Variants in PDXP observed in about 807,000 individuals in gnomAD.
The protein encoded by PDXP is chronophin.
Under a neutral mutation model 14.4 loss-of-function variants are expected in PDXP, and 15 were observed. The observed-to-expected ratio is 1.04, with a 90% CI of 0.70 to 1.60. The LOEUF is 1.60. Ranked by LOEUF, PDXP falls within the 40% of genes most tolerant of loss-of-function variation. PDXP has a pLI of 0.00. For missense variants in PDXP, 413 were observed against 427.6 expected (o/e 0.97, Z 0.30); for synonymous variants, 233 against 205.6 (o/e 1.13, Z -1.14).
rs1933149389 is a variant in PDXP, at chr22:37,659,220, G to T, written c.438G>T (p.Val146=). 1.5e-6 allele frequency: 2 copies of T among 1,300,458 alleles called. No homozygotes were observed. Among genetic ancestry groups the T allele is most frequent in the Non-Finnish European group, 2.0e-6 (2 of 1,021,284 alleles). 80.6% of individuals were successfully genotyped at this position (1,300,458 alleles called of 1,614,324 possible). A position where few individuals can be genotyped will look rare whatever the true frequency, so the allele number is the denominator to read the frequency against. The part of the protein sequence containing the change: ...GDGAAPRVRA[V]LVGYDEHFSF... ...GCGCGGCCCCGCGCGTGCGCGCCGT[G>T]CTTGTGGGCTACGACGAGCACTTCT... is the stretch of plus-strand genomic sequence containing the variant. Residue 146 remains valine, a synonymous_variant, in exon 1 of 2, where the codon GTG becomes GTT. Transcript: ENST00000215904.
intron 1 of PDXP, among the ~76,000 whole-genome samples, chr22:37,661,552 C>T (rs1207350634): frequency 1.3e-5 from 2 of 152,250 alleles, no homozygotes; most frequent in Non-Finnish European, 1.5e-5. Flanking sequence ...ACGTCATCAG[C>T]ATAACATGCA....
At position 37,666,023 on chromosome 22, in the gene PDXP, C is replaced by T. The variant is rs1921070638; in HGVS notation, c.*152C>T. 1.4e-6 allele frequency: 1 copy of T among 729,094 alleles called. No homozygotes were observed. The highest frequency in any genetic ancestry group is 2.3e-6 in the Non-Finnish European group (1 of 439,000). 45.2% of individuals were successfully genotyped at this position (729,094 alleles called of 1,614,324 possible). A position where few individuals can be genotyped will look rare whatever the true frequency, so the allele number is the denominator to read the frequency against. On this transcript the variant is annotated 3_prime_UTR_variant, in exon 2 of 2. Transcript: ENST00000215904. ...TGGGACCCGGGGAAGGTTTGAGGGC[C>T]CTTGCAACCCCCTCCCAGCAGTGGC...
At chr22:37,661,932 T>A (rs1312517541) in intron 1 of PDXP, among the ~76,000 whole-genome samples, 1 of 22,862 alleles carries the variant, frequency 4.4e-5, no homozygotes, top group African/African-American at 1.3e-4. Flanking sequence ...TTTTTTTTTT[T>A]TTTTTTTTTT....
Position 37,659,052 on chromosome 22 carries a change from G to C in PDXP, c.270G>C (p.Leu90=). 1 of 1,134,100 alleles carries C rather than the reference G, an allele frequency of 8.8e-7. No individual in the cohort carries two copies. The highest frequency in any genetic ancestry group is 4.2e-5 in the South Asian group (1 of 23,922). 70.3% of individuals were successfully genotyped at this position (1,134,100 alleles called of 1,614,324 possible). A position where few individuals can be genotyped will look rare whatever the true frequency, so the allele number is the denominator to read the frequency against. The change falls in exon 1 of 2, where the codon CTG becomes CTC. Residue 90 remains leucine (L), a synonymous_variant. Coordinates refer to ENST00000215904, the MANE Select transcript of PDXP (RefSeq NM_020315.5). The part of the protein sequence containing the change: ...LRAEQLFSSA[L]CAARLLRQRL... ...CCGAGCAGCTCTTCAGCTCCGCGCT[G>C]TGCGCCGCGCGCCTGCTGCGCCAGC...
chr22:37,666,201 T>C lies in PDXP; in HGVS notation c.*330T>C, dbSNP rs1921078418. The C allele has an allele frequency of 2.5e-6, 1 of 392,420 alleles. No homozygotes were observed. The highest frequency in any genetic ancestry group is 5.4e-5 in the East Asian group (1 of 18,544). The allele number at this position is 392,420 out of a possible 1,614,324, so 24.3% of individuals were successfully genotyped here. On this transcript the variant is annotated 3_prime_UTR_variant, in exon 2 of 2. Coordinates refer to ENST00000215904, the MANE Select transcript of PDXP (RefSeq NM_020315.5). Reference sequence around the variant, plus strand: ...ATTCCCTCTATCCCTGAGTACTTAGTCTTCTCCCCCTTCCCTGGGGCTTCT... The same window carrying C: ...ATTCCCTCTATCCCTGAGTACTTAGCCTTCTCCCCCTTCCCTGGGGCTTCT...
intron 1 of PDXP, among the ~76,000 whole-genome samples, chr22:37,661,888 G>T (rs948176773): frequency 2.7e-5 from 4 of 146,966 alleles, no homozygotes; most frequent in Non-Finnish European, 6.0e-5. Context: ...AACGGAGCAC[G>T]TGGCTTTTAT....
chr22:37,660,127 C>T (rs1307360514), intron 1 of PDXP, among the ~76,000 whole-genome samples: 2 of 152,098 alleles, frequency 1.3e-5, no homozygotes, highest in African/African-American at 4.8e-5. Context: ...AAGGCTGTAG[C>T]GTGCTATCAT....
At chr22:37,660,063 AG>A (rs1368955270) in intron 1 of PDXP, among the ~76,000 whole-genome samples, 2 of 152,232 alleles carry the variant, frequency 1.3e-5, no homozygotes, top group Non-Finnish European at 2.9e-5. Context: ...AACAGCCTGT[AG>A]TCCCAGCTAC....
intron 1 of PDXP, among the ~76,000 whole-genome samples, chr22:37,659,956 T>G (rs1933169408): frequency 6.6e-6 from 1 of 152,130 alleles, no homozygotes. Flanking sequence ...TGAAACAGCT[T>G]TGTGTGTGTT....
In PDXP at chr22:37,665,899, A is replaced by AC; in HGVS notation, c.*32dup. On this transcript the variant is annotated 3_prime_UTR_variant, in exon 2 of 2. Coordinates refer to ENST00000215904, the MANE Select transcript of PDXP (RefSeq NM_020315.5). ...CCACTGCACCTGCAGCCACAGGCCC[A>AC]CCCCTCCCCACTCCCTGATCCCGTA... 2 of 1,587,398 alleles carry AC rather than the reference A, an allele frequency of 1.3e-6. No homozygotes were observed. The highest frequency in any genetic ancestry group is 1.7e-6 in the Non-Finnish European group (2 of 1,160,884).
chr22:37,659,071 C>T lies in PDXP; in HGVS notation c.289C>T (p.Arg97Cys), dbSNP rs1430799111. The T allele has an allele frequency of 1.8e-6, 2 of 1,107,812 alleles. No individual in the cohort carries two copies. Among genetic ancestry groups the T allele is most frequent in the African/African-American group, 1.7e-5 (1 of 59,668 alleles). The allele number at this position is 1,107,812 out of a possible 1,614,324, so 68.6% of individuals were successfully genotyped here. A position where few individuals can be genotyped will look rare whatever the true frequency, so the allele number is the denominator to read the frequency against. Residue 97 changes from arginine to cysteine, a missense_variant, in exon 1 of 2, where the codon CGC becomes TGC. Arg to Cys is a radical substitution (Grantham distance 180). Transcript: ENST00000215904. ...CGCGCTGTGCGCCGCGCGCCTGCTG[C>T]GCCAGCGCCTGCCCGGGCCTCCGGA... ...SSALCAARLL[R>C]QRLPGPPDAP...
chr22:37,659,187 G>T lies in PDXP; in HGVS notation c.405G>T (p.Ala135=). 1 of 1,208,408 alleles carries T rather than the reference G, an allele frequency of 8.3e-7. No homozygotes were observed. Among genetic ancestry groups the T allele is most frequent in the South Asian group, 4.0e-5 (1 of 25,180 alleles). The allele number at this position is 1,208,408 out of a possible 1,614,324, so 74.9% of individuals were successfully genotyped here. Residue 135 remains alanine, a synonymous_variant, in exon 1 of 2, where the codon GCG becomes GCT. Coordinates refer to ENST00000215904, the MANE Select transcript of PDXP (RefSeq NM_020315.5). ...AGLRLAGDPS[A]GDGAAPRVRA... is the part of the protein sequence containing the mutation. ...TGCGCCTGGCCGGGGACCCGAGCGC[G>T]GGGGACGGCGCGGCCCCGCGCGTGC... is the stretch of plus-strand genomic sequence containing the variant.
At position 37,666,100 on chromosome 22, in the gene PDXP, C is replaced by T; in HGVS notation, c.*229C>T. 1 of 597,832 alleles carries T rather than the reference C, an allele frequency of 1.7e-6. No homozygotes were observed. Among genetic ancestry groups the T allele is most frequent in the Non-Finnish European group, 3.0e-6 (1 of 328,824 alleles). The allele number at this position is 597,832 out of a possible 1,614,324, so 37.0% of individuals were successfully genotyped here. ...TGGTCCCCTATGGATTCATCTTGGC[C>T]TGACCCAGCCAGGTGGCCTTATTTC... is the stretch of plus-strand genomic sequence containing the variant. On this transcript the variant is annotated 3_prime_UTR_variant, in exon 2 of 2. Transcript: ENST00000215904.
At position 37,658,758 on chromosome 22, in the gene PDXP, G is replaced by A. The variant is rs1380233420; in HGVS notation, c.-25G>A. 5 of 1,152,452 alleles carry A rather than the reference G, an allele frequency of 4.3e-6. No homozygotes were observed. The highest frequency in any genetic ancestry group is 3.3e-5 in the African/African-American group (2 of 61,360). 71.4% of individuals were successfully genotyped at this position (1,152,452 alleles called of 1,614,324 possible). A position where few individuals can be genotyped will look rare whatever the true frequency, so the allele number is the denominator to read the frequency against. ...CGTGCCCGCGGAGAGAGCGCGGCGCGGGAGGCCGGCGGCCGGCCGGCTGCA... is the reference window on the plus strand; with the variant it reads ...CGTGCCCGCGGAGAGAGCGCGGCGCAGGAGGCCGGCGGCCGGCCGGCTGCA... On this transcript the variant is annotated 5_prime_UTR_variant, in exon 1 of 2. Coordinates refer to ENST00000215904, the MANE Select transcript of PDXP (RefSeq NM_020315.5).
chr22:37,663,323 A>T (rs1265656990), intron 1 of PDXP, among the ~76,000 whole-genome samples: 1 of 145,328 alleles, frequency 6.9e-6, no homozygotes, highest in Non-Finnish European at 1.5e-5. Flanking sequence ...AAAAAAAATC[A>T]TATAGTTGTA....
intron 1 of PDXP, among the ~76,000 whole-genome samples, chr22:37,659,607 C>T (rs372636214): frequency 2.0e-5 from 3 of 152,050 alleles, no homozygotes; most frequent in Admixed American, 6.6e-5. Flanking sequence ...GGGAGTTGGG[C>T]GGAATTCTGC....
chr22:37,659,978 T>C (rs1371655786), intron 1 of PDXP, among the ~76,000 whole-genome samples: 1 of 152,172 alleles, frequency 6.6e-6, no homozygotes, highest in Non-Finnish European at 1.5e-5. Context: ...TTCTTTGGTT[T>C]CCAAATTACT....
chr22:37,658,889 C>T lies in PDXP; in HGVS notation c.107C>T (p.Ala36Val). The T allele has an allele frequency of 8.2e-7, 1 of 1,222,404 alleles. No homozygotes were observed. The highest frequency in any genetic ancestry group is 1.0e-6 in the Non-Finnish European group (1 of 980,236). The allele number at this position is 1,222,404 out of a possible 1,614,324, so 75.7% of individuals were successfully genotyped here. A position where few individuals can be genotyped will look rare whatever the true frequency, so the allele number is the denominator to read the frequency against. The stretch of plus-strand genomic sequence containing the variant: ...GGGGTGCTGTGGAACGGCGAGCGCG[C>T]CGTGCCGGGCGCCCCGGAGCTGCTG... Reference protein sequence around the residue: ...CDGVLWNGERAVPGAPELLER... With the variant: ...CDGVLWNGERVVPGAPELLER... Residue 36 changes from alanine (A) to valine (V), a missense_variant, in exon 1 of 2, where the codon GCC (alanine) becomes GTC (valine). Physicochemically the swap from Ala to Val is moderately conservative, Grantham distance 64 (BLOSUM62 0). Transcript: ENST00000215904.
Position 37,666,299 on chromosome 22 carries a change from T to G in PDXP, c.*428T>G, listed in dbSNP as rs1487577054. On this transcript the variant is annotated 3_prime_UTR_variant, in exon 2 of 2. Transcript: ENST00000215904. Reference sequence around the variant, plus strand: ...CAGAGGTCTAGGGAACCACAACCCTTATTGTCCTGGGTGGACCAATCCAAA... The same window carrying G: ...CAGAGGTCTAGGGAACCACAACCCTGATTGTCCTGGGTGGACCAATCCAAA... The G allele has an allele frequency of 4.0e-6, 1 of 247,288 alleles. No individual in the cohort carries two copies. Among genetic ancestry groups the G allele is most frequent in the Non-Finnish European group, 8.6e-6 (1 of 116,910 alleles). The allele number at this position is 247,288 out of a possible 1,614,324, so 15.3% of individuals were successfully genotyped here.
Sources: allele counts gnomAD v4.1 joint callset (sites outside exome capture counted in the v4.1 genomes callset), GRCh38; gene constraint gnomAD v4.1.1; transcripts MANE v1.5; gene names NCBI Gene and HGNC (gene_info 2026-07-23, HGNC 2026-07-21).